The following NCALD variants were observed in gnomAD, a reference collection of about 807,000 sequenced individuals.
NCALD encodes neurocalcin-delta.
In NCALD, 10 loss-of-function variants were observed where a neutral mutation model predicts 18.6. That is an observed-to-expected ratio of 0.54 (90% CI 0.33 to 0.91). The LOEUF (loss-of-function observed/expected upper bound fraction) is 0.91. Among genes scored for constraint, NCALD ranks in the 40% least tolerant of loss-of-function variants. The probability of loss-of-function intolerance (pLI) is 0.03; values close to 1 mark genes in which losing one functional copy is unlikely to be tolerated. For missense variants in NCALD, 184 were observed against 247.6 expected (o/e 0.74, Z 1.72); for synonymous variants, 88 against 87.4 (o/e 1.01, Z -0.04).
chr8:101,933,720 A>T (rs1189432493), intron 2 of NCALD, among the ~76,000 whole-genome samples: 1 of 152,140 alleles, frequency 6.6e-6, no homozygotes, highest in East Asian at 1.9e-4. Flanking sequence ...TCGATCCTAA[A>T]GGACCTGTCT....
intron 1 of NCALD, among the ~76,000 whole-genome samples, chr8:101,742,854 T>C (rs775616802): frequency 2.6e-5 from 4 of 152,100 alleles, no homozygotes; most frequent in Non-Finnish European, 5.9e-5. Context: ...CCAATATGTG[T>C]TGTTCCCCCT....
At chr8:101,911,956 C>T (rs1320337489) in intron 3 of NCALD, among the ~76,000 whole-genome samples, 5 of 151,912 alleles carry the variant, frequency 3.3e-5, no homozygotes, top group Middle Eastern at 3.2e-3. Flanking sequence ...ACTTCAGATA[C>T]CTAAATATAA....
At chr8:101,887,501 C>T (rs754310953) in intron 3 of NCALD, among the ~76,000 whole-genome samples, 6 of 152,104 alleles carry the variant, frequency 3.9e-5, no homozygotes, top group Non-Finnish European at 7.4e-5. Flanking sequence ...TGGACAGATG[C>T]TACGCAGGCA....
At chr8:102,001,567 A>AT (rs1821468931) in intron 2 of NCALD, among the ~76,000 whole-genome samples, 1 of 152,244 alleles carries the variant, frequency 6.6e-6, no homozygotes, top group South Asian at 2.1e-4. Context: ...TCCAAGACAC[A>AT]TAATTGTCAG....
intron 1 of NCALD, among the ~76,000 whole-genome samples, chr8:102,028,126 C>A (rs1410256352): frequency 6.6e-6 from 1 of 152,078 alleles, no homozygotes; most frequent in Non-Finnish European, 1.5e-5. Context: ...GAAAAATGTC[C>A]TTATTTTGAG....
intron 1 of NCALD, among the ~76,000 whole-genome samples, chr8:102,083,299 A>C (rs527902070): frequency 1.3e-5 from 2 of 152,354 alleles, no homozygotes; most frequent in South Asian, 4.1e-4. Context: ...ATTTCAAACC[A>C]GCTCGGCATG....
chr8:101,988,133 C>G lies in NCALD; in HGVS notation c.-157+32104G>C, dbSNP rs187475789. ...TCGCGCCACTGCGGTCCGGCCTGGG[C>G]GAAACAGCGAGACTCCGTCTCAAAA... On this transcript the variant is annotated intron_variant, in intron 2 of 6. Coordinates refer to the NCALD transcript ENST00000311028. Among the ~76,000 whole-genome samples, 1,030 of 117,048 alleles carry G rather than the reference C, an allele frequency of 8.8e-3. 11 individuals carry two copies. Among genetic ancestry groups the G allele is most frequent in the South Asian group, 0.048 (175 of 3,650 alleles). 76.8% of individuals were successfully genotyped at this position (117,048 alleles called of 152,430 possible). A position where few individuals can be genotyped will look rare whatever the true frequency, so the allele number is the denominator to read the frequency against.
intron 1 of NCALD, among the ~76,000 whole-genome samples, chr8:101,744,433 C>T (rs957487381): frequency 6.6e-6 from 1 of 152,204 alleles, no homozygotes; most frequent in African/African-American, 2.4e-5. Flanking sequence ...GGGTGATTAT[C>T]ATAGTCAAAG....
At chr8:101,782,273 G>A (rs931278988) in intron 1 of NCALD, among the ~76,000 whole-genome samples, 3 of 152,076 alleles carry the variant, frequency 2.0e-5, no homozygotes, top group Middle Eastern at 3.4e-3. Context: ...CTTTGCCTAC[G>A]GATATAACCC....
intron 1 of NCALD, among the ~76,000 whole-genome samples, chr8:101,748,957 G>A: frequency 6.6e-6 from 1 of 152,182 alleles, no homozygotes; most frequent in East Asian, 1.9e-4. Flanking sequence ...CAATATGAGT[G>A]TGGTCTCTTT....
chr8:101,967,218 T>G (rs1449022227), intron 2 of NCALD, among the ~76,000 whole-genome samples: 2 of 152,194 alleles, frequency 1.3e-5, no homozygotes, highest in African/African-American at 4.8e-5. Flanking sequence ...AGTTGATTCA[T>G]GAACAGTGTT....
chr8:101,948,181 G>T (rs1819251360), intron 2 of NCALD, among the ~76,000 whole-genome samples: 1 of 152,234 alleles, frequency 6.6e-6, no homozygotes, highest in South Asian at 2.1e-4. Flanking sequence ...GGAAGACGTT[G>T]CAATAATTTA....
chr8:102,107,192 GTACATATATA>G (rs1563623067), intron 1 of NCALD, among the ~76,000 whole-genome samples: 1 of 76,808 alleles, frequency 1.3e-5, no homozygotes, highest in Admixed American at 1.6e-4. Context: ...ATATATGTGT[GTACATATATA>G]TATATATATA....
intron 2 of NCALD, among the ~76,000 whole-genome samples, chr8:101,963,420 C>A (rs1259549818): frequency 6.6e-6 from 1 of 152,156 alleles, no homozygotes; most frequent in Non-Finnish European, 1.5e-5. Context: ...AGACTTCCCA[C>A]TTCTGTTTCC....
chr8:101,903,338 A>G (rs914731123), intron 3 of NCALD, among the ~76,000 whole-genome samples: 1 of 151,890 alleles, frequency 6.6e-6, no homozygotes, highest in Non-Finnish European at 1.5e-5. Flanking sequence ...CTGGGACTGC[A>G]AGTGTGTGCC....
At chr8:101,924,835 A>G (rs7012061) in intron 2 of NCALD, among the ~76,000 whole-genome samples, 30,711 of 152,088 alleles carry the variant, frequency 0.2, 4,524 homozygotes, top group African/African-American at 0.42. Context: ...GTCTTTAAAT[A>G]AGGATTCATC....
At chr8:101,905,144 T>C (rs1454201014) in intron 3 of NCALD, among the ~76,000 whole-genome samples, 1 of 152,190 alleles carries the variant, frequency 6.6e-6, no homozygotes, top group East Asian at 1.9e-4. Context: ...CCTACCACAG[T>C]TGTTTCTTCA....
At chr8:101,902,728 T>G (rs1399181009) in intron 3 of NCALD, among the ~76,000 whole-genome samples, 7 of 152,208 alleles carry the variant, frequency 4.6e-5, no homozygotes, top group African/African-American at 1.7e-4. Flanking sequence ...TGCCATGGCT[T>G]TTTTTACTTT....
chr8:101,906,626 A>C (rs1241081279), intron 3 of NCALD, among the ~76,000 whole-genome samples: 1 of 152,242 alleles, frequency 6.6e-6, no homozygotes, highest in African/African-American at 2.4e-5. Context: ...CTTCCAAACT[A>C]TACCTTTCAT....
Sources: gnomAD v4.1 joint callset for allele counts (sites outside exome capture counted in the v4.1 genomes callset) on GRCh38, gnomAD v4.1.1 for gene constraint, MANE v1.5 for transcripts, NCBI Gene and HGNC (gene_info 2026-07-23, HGNC 2026-07-21) for gene names.